DGLUCY: variants seen among roughly 807,000 people sequenced by gnomAD.
DGLUCY encodes the protein D-glutamate cyclase.
In DGLUCY, 58 loss-of-function variants were observed where a neutral mutation model predicts 58.5. The ratio of observed to expected loss-of-function variants is 0.99; its 90% confidence interval spans 0.80 to 1.23. DGLUCY has a LOEUF of 1.23. Ranked by LOEUF, DGLUCY falls within the 50% of genes most tolerant of loss-of-function variation. DGLUCY has a pLI of 0.00. For missense variants in DGLUCY, 779 were observed against 784.7 expected, an observed-to-expected ratio of 0.99 and a Z score of 0.09; for synonymous variants, 325 against 314.1, an observed-to-expected ratio of 1.03 and a Z score of -0.37.
intron 1 of DGLUCY, chr14:91,145,127 C>CT (rs1303065082): frequency 6.6e-6 from 1 of 152,190 alleles, no homozygotes; most frequent in Admixed American, 6.6e-5. Flanking sequence ...CCCACAGCTG[C>CT]TGAGAGCCCA....
chr14:91,187,003 CT>C (rs1566992159), intron 8 of DGLUCY, among the ~76,000 whole-genome samples: 2 of 8,416 alleles, frequency 2.4e-4, no homozygotes, highest in Non-Finnish European at 2.5e-4. Flanking sequence ...ATGTCTTCTT[CT>C]TCTTTTTTTT....
chr14:91,074,130 C>CACACACACACACACAT (rs2043973387), intron 1 of DGLUCY, among the ~76,000 whole-genome samples: 1 of 132,998 alleles, frequency 7.5e-6, no homozygotes, highest in African/African-American at 3.1e-5. Context: ...CACACACACA[C>CACACACACACACACAT]ACACACACAC....
At chr14:91,197,313 C>T (rs534903615) in intron 10 of DGLUCY, among the ~76,000 whole-genome samples, 13 of 152,310 alleles carry the variant, frequency 8.5e-5, no homozygotes, top group Non-Finnish European at 1.6e-4. Context: ...CCATGTTGGC[C>T]AGGCTGGTCT....
Position 91,199,688 on chromosome 14 carries a change from AG to A in DGLUCY, c.1296-67del, listed in dbSNP as rs2050433541. The A allele has an allele frequency of 8.4e-6, 13 of 1,541,848 alleles. No individual in the cohort carries two copies. The South Asian group carries it at 1.4e-4, about 16-fold the overall frequency. On this transcript the variant is annotated intron_variant, in intron 10 of 13. Transcript: ENST00000256324. ...AAGCGTCTTTCGCGCAAACACAAGA[AG>A]GCATGACCCAGCAAAGCAGCCACCT...
intron 1 of DGLUCY, among the ~76,000 whole-genome samples, chr14:91,068,163 G>A (rs1262043720): frequency 6.6e-6 from 1 of 151,818 alleles, no homozygotes; most frequent in Non-Finnish European, 1.5e-5. Flanking sequence ...GCAGCAGCAA[G>A]TAAGCAGTGT....
intron 1 of DGLUCY, among the ~76,000 whole-genome samples, chr14:91,095,927 T>G (rs1310749407): frequency 6.6e-6 from 1 of 152,174 alleles, no homozygotes; most frequent in Non-Finnish European, 1.5e-5. Context: ...CTTTCCAAGG[T>G]AAAGTCTTGC....
chr14:91,170,023 G>A lies in DGLUCY; in HGVS notation c.278G>A (p.Trp93Ter). The change falls in exon 5 of 14, where the codon TGG becomes TAG. Residue 93 changes from tryptophan (W) to a stop codon, truncating the protein, a stop_gained. Transcript: ENST00000256324. LOFTEE classifies it high-confidence loss of function. The part of the protein sequence containing the change: ...SETRMGHPQF[W>*]KYEFGACTGS... Reference sequence around the variant, plus strand: ...CCCAGGATGGGCCATCCCCAGTTCTGGAAATACGAGTTCGGTGCCTGCACC... The same window carrying A: ...CCCAGGATGGGCCATCCCCAGTTCTAGAAATACGAGTTCGGTGCCTGCACC... 6.2e-7 allele frequency: 1 copy of A among 1,612,230 alleles called. No individual in the cohort carries two copies. The highest frequency in any genetic ancestry group is 8.5e-7 in the Non-Finnish European group (1 of 1,180,026).
intron 3 of DGLUCY, among the ~76,000 whole-genome samples, chr14:91,164,076 A>G (rs1050469325): frequency 6.6e-6 from 1 of 152,000 alleles, no homozygotes. Context: ...CAGCCTCCCA[A>G]GTAGCTGGGA....
At chr14:91,109,798 G>A (rs1226025610), upstream of DGLUCY, among the ~76,000 whole-genome samples, 1 of 152,150 alleles carries the variant, frequency 6.6e-6, no homozygotes, top group African/African-American at 2.4e-5. Flanking sequence ...TCACATTGTG[G>A]GTTAGAGCTT....
At chr14:91,081,643 T>G (rs900603722) in intron 1 of DGLUCY, among the ~76,000 whole-genome samples, 1 of 152,214 alleles carries the variant, frequency 6.6e-6, no homozygotes, top group African/African-American at 2.4e-5. Context: ...CTTTTCATAT[T>G]CCAAAGGCTG....
chr14:91,088,170 C>T (rs2140059975), intron 1 of DGLUCY, among the ~76,000 whole-genome samples: 1 of 152,266 alleles, frequency 6.6e-6, no homozygotes, highest in Non-Finnish European at 1.5e-5. Flanking sequence ...AGTATATGTG[C>T]AAAGTGCTTT....
At chr14:91,143,927 A>G (rs948119554) in intron 1 of DGLUCY, among the ~76,000 whole-genome samples, 1 of 152,176 alleles carries the variant, frequency 6.6e-6, no homozygotes, top group African/African-American at 2.4e-5. Flanking sequence ...AGAGTCAATT[A>G]TTAAACCTAA....
upstream of DGLUCY, among the ~76,000 whole-genome samples, chr14:91,104,193 G>A (rs968121633): frequency 3.3e-5 from 5 of 150,794 alleles, no homozygotes; most frequent in Admixed American, 6.6e-5. Context: ...CTCCTGAGTA[G>A]CTGGGACTAC....
At chr14:91,104,604 A>G (rs962226557), upstream of DGLUCY, among the ~76,000 whole-genome samples, 6 of 152,064 alleles carry the variant, frequency 3.9e-5, no homozygotes, top group Admixed American at 3.9e-4. Context: ...CACTCATCAC[A>G]CCTAGCTCAT....
At chr14:91,180,897 T>C (rs879659490) in intron 7 of DGLUCY, among the ~76,000 whole-genome samples, 8 of 152,234 alleles carry the variant, frequency 5.3e-5, no homozygotes, top group African/African-American at 2.4e-5. Context: ...ATGGGTTAAA[T>C]TGATGGAATC....
At chr14:91,151,618 A>G (rs1246628773) in intron 1 of DGLUCY, among the ~76,000 whole-genome samples, 1 of 149,496 alleles carries the variant, frequency 6.7e-6, no homozygotes, top group Non-Finnish European at 1.5e-5. Flanking sequence ...AATCTTTTTT[A>G]TATCTCATTA....
At position 91,215,976 on chromosome 14, in the gene DGLUCY, A is replaced by G. The variant is rs1029843332; in HGVS notation, c.1716+420A>G. On this transcript the variant is annotated intron_variant, in intron 13 of 13. Transcript: ENST00000256324. ...ACCCAGCGAGGCCACTAAAACCTCCAGAGTAAGTCAATCAGCCATACTAAG... is the reference window on the plus strand; with the variant it reads ...ACCCAGCGAGGCCACTAAAACCTCCGGAGTAAGTCAATCAGCCATACTAAG... The G allele has an allele frequency of 8.8e-6, 3 of 339,094 alleles. No individual in the cohort carries two copies. The Admixed American group carries it at 1.3e-4, about 14-fold the overall frequency. 21.0% of individuals were successfully genotyped at this position (339,094 alleles called of 1,614,324 possible).
intron 1 of DGLUCY, among the ~76,000 whole-genome samples, chr14:91,143,258 G>A (rs970847481): frequency 2.0e-5 from 3 of 151,682 alleles, no homozygotes; most frequent in Admixed American, 6.6e-5. Context: ...ACCACGCCCG[G>A]CTAATTTTTT....
intron 10 of DGLUCY, among the ~76,000 whole-genome samples, chr14:91,199,354 G>C (rs934057227): frequency 2.6e-5 from 4 of 151,886 alleles, no homozygotes; most frequent in African/African-American, 9.7e-5. Flanking sequence ...CTGCCTCCCG[G>C]GTTCAAGTGA....
Sources: gnomAD v4.1 joint callset for allele counts (sites outside exome capture counted in the v4.1 genomes callset) on GRCh38, gnomAD v4.1.1 for gene constraint, MANE v1.5 for transcripts, NCBI Gene and HGNC (gene_info 2026-07-23, HGNC 2026-07-21) for gene names.